GPN2: variants seen among roughly 807,000 people sequenced by gnomAD.
GPN2 encodes ATP-binding domain 1 family member B.
Under a neutral mutation model 30.1 loss-of-function variants are expected in GPN2, and 27 were observed. The ratio of observed to expected loss-of-function variants is 0.90; its 90% confidence interval spans 0.66 to 1.24. GPN2 has a LOEUF of 1.24. Ranked by LOEUF, GPN2 falls within the 50% of genes most tolerant of loss-of-function variation. The pLI is 0.00. For missense variants in GPN2, 406 were observed against 405.4 expected (o/e 1.00, Z -0.01); for synonymous variants, 212 against 174.4 (o/e 1.22, Z -1.70).
At chr1:26,885,578 CTT>C (rs35274818) in intron 3 of GPN2, among the ~76,000 whole-genome samples, 27 of 131,872 alleles carry the variant, frequency 2.0e-4, no homozygotes, top group Admixed American at 2.3e-4. Flanking sequence ...AAAGACCACT[CTT>C]TTTTTTTTTT....
chr1:26,883,778 C>T (rs546935335), intron 4 of GPN2, among the ~76,000 whole-genome samples: 2 of 150,670 alleles, frequency 1.3e-5, no homozygotes, highest in East Asian at 3.9e-4. Flanking sequence ...AAGAGCGAAA[C>T]TCCCTTTCAA....
intron 2 of GPN2, among the ~76,000 whole-genome samples, chr1:26,888,214 C>A (rs1489659191): frequency 6.6e-6 from 1 of 152,108 alleles, no homozygotes; most frequent in Non-Finnish European, 1.5e-5. Flanking sequence ...CTAGCCAACT[C>A]CCCTGCCTCA....
At position 26,886,115 on chromosome 1, in the gene GPN2, T is replaced by A. The variant is rs375625869; in HGVS notation, c.587A>T (p.Tyr196Phe). 1.2e-6 allele frequency: 2 copies of A among 1,613,574 alleles called. No individual in the cohort carries two copies. The highest frequency in any genetic ancestry group is 1.7e-6 in the Non-Finnish European group (2 of 1,179,506). The change falls in exon 3 of 5, where the codon TAC becomes TTC. Residue 196 changes from tyrosine (Y) to phenylalanine (F), a missense_variant. By Grantham distance (22) the Tyr-to-Phe change is conservative. Coordinates refer to ENST00000374135, the MANE Select transcript of GPN2 (RefSeq NM_018066.4). ...GTAGGAGAGGTCCAGAACCTCTGTG[T>A]AGTAGTCCAGGTTGAAGGCTAAAGA... ...YGKLAFNLDY[Y>F]TEVLDLSYLL...
rs376532531 is a variant in GPN2, at chr1:26,889,670, C to T, written c.411+16G>A. 5 of 1,554,558 alleles carry T rather than the reference C, an allele frequency of 3.2e-6. No homozygotes were observed. The African/African-American group carries it at 6.8e-5, about 21-fold the overall frequency. ...TACTCCATCCGCAAAATGGGCCTCC[C>T]CGCCCTGAGACGCACCCTGAGGTCC... On this transcript the variant is annotated intron_variant, in intron 1 of 4. Coordinates refer to ENST00000374135, the MANE Select transcript of GPN2 (RefSeq NM_018066.4).
rs2081889012 is a variant in GPN2, at chr1:26,886,039, G to C, written c.663C>G (p.Leu221=). The change falls in exon 3 of 5, where the codon CTC becomes CTG. Residue 221 remains leucine (L), a synonymous_variant. Coordinates refer to ENST00000374135, the MANE Select transcript of GPN2 (RefSeq NM_018066.4). ...SDPFFRHYRQ[L]NEKLVQLIED... ...CGATGAGCTGCACTAGCTTCTCATT[G>C]AGCTGGCGGTAGTGGCGGAAGAAAG... 1 of 1,613,396 alleles carries C rather than the reference G, an allele frequency of 6.2e-7. No homozygotes were observed. Among genetic ancestry groups the C allele is most frequent in the African/African-American group, 1.3e-5 (1 of 74,898 alleles).
intron 4 of GPN2, 67 bp from the exon 5 acceptor site, chr1:26,879,816 G>T: frequency 2.0e-6 from 2 of 1,000,820 alleles, no homozygotes; most frequent in Non-Finnish European, 1.6e-6. Flanking sequence ...GGCAGGATCT[G>T]ACTTCCGCTG....
rs751103214 is a variant in GPN2, at chr1:26,889,994, C to T, written c.103G>A (p.Ala35Thr). ...ACCACCGCCACGCGCCGGCCCAGCGCGCGCAGGAACTCACTCATGCCCAGG... is the reference window on the plus strand; with the variant it reads ...ACCACCGCCACGCGCCGGCCCAGCGTGCGCAGGAACTCACTCATGCCCAGG... ...YCLGMSEFLR[A>T]LGRRVAVVNL... is the part of the protein sequence containing the mutation. The change falls in exon 1 of 5, where the codon GCG (alanine) becomes ACG (threonine). Residue 35 changes from alanine (A) to threonine (T), a missense_variant. Coordinates refer to ENST00000374135, the MANE Select transcript of GPN2 (RefSeq NM_018066.4). The T allele has an allele frequency of 6.2e-7, 1 of 1,601,388 alleles. No homozygotes were observed. The highest frequency in any genetic ancestry group is 8.5e-7 in the Non-Finnish European group (1 of 1,179,226).
intron 4 of GPN2, 28 bp from the exon 5 acceptor site, chr1:26,879,777 G>A: frequency 1.3e-6 from 2 of 1,554,392 alleles, no homozygotes; most frequent in East Asian, 2.2e-5. Context: ...AAGGCTGATA[G>A]CATAGGCAGA....
At chr1:26,886,817 CA>C (rs1179304725) in intron 2 of GPN2, among the ~76,000 whole-genome samples, 2 of 145,634 alleles carry the variant, frequency 1.4e-5, no homozygotes, top group East Asian at 2.0e-4. Context: ...GACTCCGTCT[CA>C]AAAAAAAAGA....
intron 4 of GPN2, among the ~76,000 whole-genome samples, chr1:26,882,689 G>C (rs1268775850): frequency 1.3e-5 from 2 of 152,200 alleles, no homozygotes; most frequent in Non-Finnish European, 2.9e-5. Flanking sequence ...TTTCTGTCCT[G>C]CTTCACGCAT....
chr1:26,889,808 C>A lies in GPN2; in HGVS notation c.289G>T (p.Ala97Ser), dbSNP rs770046718. The A allele has an allele frequency of 4.3e-6, 7 of 1,613,702 alleles. No homozygotes were observed. The East Asian group carries it at 1.3e-4, about 31-fold the overall frequency. ...TGGCCGCGGAGGGGGTCGAGCTTGG[C>A]ACGCAGCCAGTCCAGGTTGGCTTCC... ...YLEANLDWLR[A>S]KLDPLRGHYF... Residue 97 changes from alanine (A) to serine (S), a missense_variant, in exon 1 of 5, where the codon GCC becomes TCC. Physicochemically the swap from Ala to Ser is moderately conservative, Grantham distance 99. Coordinates refer to ENST00000374135, the MANE Select transcript of GPN2 (RefSeq NM_018066.4).
rs747541848 is a variant in GPN2, at chr1:26,889,797, G to T, written c.300C>A (p.Asp100Glu). The change falls in exon 1 of 5, where the codon GAC (aspartate) becomes GAA (glutamate). Residue 100 changes from aspartate to glutamate, a missense_variant. By Grantham distance (45) the Asp-to-Glu change is conservative. Coordinates refer to ENST00000374135, the MANE Select transcript of GPN2 (RefSeq NM_018066.4). ...AGAGGAAGTAGTGGCCGCGGAGGGG[G>T]TCGAGCTTGGCACGCAGCCAGTCCA... is the stretch of plus-strand genomic sequence containing the variant. The part of the protein sequence containing the change: ...ANLDWLRAKL[D>E]PLRGHYFLFD... 6.2e-7 allele frequency: 1 copy of T among 1,613,888 alleles called. No individual in the cohort carries two copies. Among genetic ancestry groups the T allele is most frequent in the Non-Finnish European group, 8.5e-7 (1 of 1,180,022 alleles).
Position 26,889,829 on chromosome 1 carries a change from C to CGGAAA in GPN2, c.267_268insTTTCC (p.Ala90PhefsTer51). On this transcript the variant is annotated frameshift_variant, in exon 1 of 5. Coordinates refer to ENST00000374135, the MANE Select transcript of GPN2 (RefSeq NM_018066.4). LOFTEE classifies it high-confidence loss of function. ...TTGGCACGCAGCCAGTCCAGGTTGG[C>CGGAAA]TTCCAGGTACTCCATGCAGTAGAGC... 1 of 1,613,772 alleles carries CGGAAA rather than the reference C, an allele frequency of 6.2e-7. No homozygotes were observed. The highest frequency in any genetic ancestry group is 8.5e-7 in the Non-Finnish European group (1 of 1,180,008).
rs1192937716 is a variant in GPN2, at chr1:26,878,917, T to A, written c.*760A>T. 1 of 152,224 alleles carries A rather than the reference T, an allele frequency of 6.6e-6. No individual in the cohort carries two copies. The highest frequency in any genetic ancestry group is 1.5e-5 in the Non-Finnish European group (1 of 68,054). The allele number at this position is 152,224 out of a possible 1,614,324, so 9.4% of individuals were successfully genotyped here. Reference sequence around the variant, plus strand: ...AGCCTTGAAGTAAACTTTTAACCACTACTGTAAATGGAAAACTAGTTAACA... The same window carrying A: ...AGCCTTGAAGTAAACTTTTAACCACAACTGTAAATGGAAAACTAGTTAACA... On this transcript the variant is annotated 3_prime_UTR_variant, in exon 5 of 5. Coordinates refer to ENST00000374135, the MANE Select transcript of GPN2 (RefSeq NM_018066.4).
intron 2 of GPN2, among the ~76,000 whole-genome samples, chr1:26,888,235 C>T (rs1448352466): frequency 6.6e-6 from 1 of 152,090 alleles, no homozygotes; most frequent in Non-Finnish European, 1.5e-5. Flanking sequence ...TACCAGCCTG[C>T]TTCTACCTCA....
At chr1:26,883,301 T>A (rs1347182069) in intron 4 of GPN2, among the ~76,000 whole-genome samples, 1 of 148,476 alleles carries the variant, frequency 6.7e-6, no homozygotes, top group East Asian at 1.9e-4. Flanking sequence ...CCTCTTCACA[T>A]GCAACACACC....
chr1:26,888,789 A>G (rs1257591920), intron 2 of GPN2, 180 bp downstream of exon 2: 2 of 661,132 alleles, frequency 3.0e-6, no homozygotes, highest in African/African-American at 3.6e-5. Context: ...CTTGTCTCCA[A>G]AATCTACAAC....
intron 4 of GPN2, among the ~76,000 whole-genome samples, chr1:26,883,504 C>T (rs1026314045): frequency 6.6e-6 from 1 of 151,466 alleles, no homozygotes; most frequent in Non-Finnish European, 1.5e-5. Flanking sequence ...CAGTCATCCA[C>T]GGCCGGGCGC....
Position 26,879,580 on chromosome 1 carries a change from TG to T in GPN2, c.*96del. The T allele has an allele frequency of 1.1e-6, 1 of 919,360 alleles. No homozygotes were observed. Among genetic ancestry groups the T allele is most frequent in the Non-Finnish European group, 1.8e-6 (1 of 570,012 alleles). The allele number at this position is 919,360 out of a possible 1,614,324, so 57.0% of individuals were successfully genotyped here. A position where few individuals can be genotyped will look rare whatever the true frequency, so the allele number is the denominator to read the frequency against. ...CCCTTGCCAGCCCGCCAGCTCTGGC[TG>T]GGAGGACTTGCTCTTGGGTCTGCAG... On this transcript the variant is annotated 3_prime_UTR_variant, in exon 5 of 5. Transcript: ENST00000374135.
Sources: allele counts gnomAD v4.1 joint callset (sites outside exome capture counted in the v4.1 genomes callset), GRCh38; gene constraint gnomAD v4.1.1; transcripts MANE v1.5; gene names NCBI Gene and HGNC (gene_info 2026-07-23, HGNC 2026-07-21).